MAN1A2: variants seen among roughly 807,000 people sequenced by gnomAD.
MAN1A2 encodes mannosidase alpha class 1A member 2.
Under a neutral mutation model 75.7 loss-of-function variants are expected in MAN1A2, and 26 were observed. That is an observed-to-expected ratio of 0.34 (90% CI 0.25 to 0.48). The LOEUF (loss-of-function observed/expected upper bound fraction) is 0.48, where lower values mean the gene tolerates loss of function less well. Among genes scored for constraint, MAN1A2 ranks in the 20% least tolerant of loss-of-function variants. The pLI is 0.99. For synonymous variants in MAN1A2, 247 were observed against 264.6 expected (o/e 0.93, Z 0.65); for missense variants, 562 against 775.5 (o/e 0.72, Z 3.27).
At position 117,484,933 on chromosome 1, in the gene MAN1A2, T is replaced by C. The variant is rs577710086; in HGVS notation, c.1169-8214T>C. Among the ~76,000 whole-genome samples, 11 of 152,084 alleles carry C rather than the reference T, an allele frequency of 7.2e-5. No individual in the cohort carries two copies. In the South Asian group the frequency reaches 2.3e-3, roughly 31 times the overall value. ...GGCTTGTCTATATGTTTTTCCACAT[T>C]GTTGCAAATCTTAAAGATAATTTCA... On this transcript the variant is annotated intron_variant, in intron 8 of 12. Coordinates refer to ENST00000356554, the MANE Select transcript of MAN1A2 (RefSeq NM_006699.5).
chr1:117,429,486 A>ACCC lies in MAN1A2; in HGVS notation c.855+8838_855+8839insCCC, dbSNP rs1314215321. ...GGGCGGCTGGCCGGGCGGGGGGCCG[A>ACCC]CACCCCCACCTCCCTCCCGGACGGG... is the stretch of plus-strand genomic sequence containing the variant. On this transcript the variant is annotated intron_variant, in intron 5 of 12. Coordinates refer to ENST00000356554, the MANE Select transcript of MAN1A2 (RefSeq NM_006699.5). Among the ~76,000 whole-genome samples, 79 of 42,780 alleles carry ACCC rather than the reference A, an allele frequency of 1.8e-3. 4 individuals carry two copies. Among genetic ancestry groups the ACCC allele is most frequent in the African/African-American group, 7.1e-3 (73 of 10,260 alleles). The allele number at this position is 42,780 out of a possible 152,430, so 28.1% of individuals were successfully genotyped here.
intron 3 of MAN1A2, among the ~76,000 whole-genome samples, chr1:117,411,853 C>G (rs915196412): frequency 2.0e-5 from 3 of 151,758 alleles, no homozygotes; most frequent in African/African-American, 7.2e-5. Context: ...TAGAGCAACT[C>G]TGTTATACAT....
At chr1:117,478,966 G>A (rs936808794) in intron 8 of MAN1A2, among the ~76,000 whole-genome samples, 2 of 151,152 alleles carry the variant, frequency 1.3e-5, no homozygotes, top group Admixed American at 6.6e-5. Flanking sequence ...TGTGCAGGAT[G>A]TGCTTGTTAC....
intron 5 of MAN1A2, among the ~76,000 whole-genome samples, chr1:117,439,780 C>T (rs1356024683): frequency 6.6e-6 from 1 of 152,148 alleles, no homozygotes; most frequent in Non-Finnish European, 1.5e-5. Flanking sequence ...TAGGGGTGAG[C>T]CACCACGCCC....
chr1:117,453,348 T>A (rs1649482107), intron 6 of MAN1A2, among the ~76,000 whole-genome samples: 1 of 152,214 alleles, frequency 6.6e-6, no homozygotes, highest in Non-Finnish European at 1.5e-5. Flanking sequence ...ATGGAAAATC[T>A]TCTGGAAAGG....
intron 6 of MAN1A2, among the ~76,000 whole-genome samples, chr1:117,446,206 A>G (rs991464155): frequency 1.3e-5 from 2 of 151,358 alleles, no homozygotes; most frequent in African/African-American, 2.4e-5. Context: ...GGCATTTGTC[A>G]ATTTTGTTAA....
chr1:117,431,012 G>T (rs944647339), intron 5 of MAN1A2, among the ~76,000 whole-genome samples: 10 of 130,658 alleles, frequency 7.7e-5, no homozygotes, highest in Non-Finnish European at 1.3e-4. Context: ...GCTGGAGACC[G>T]GCCCGGCCAA....
intron 8 of MAN1A2, among the ~76,000 whole-genome samples, chr1:117,491,265 T>C (rs1650875915): frequency 6.6e-6 from 1 of 152,030 alleles, no homozygotes; most frequent in Admixed American, 6.6e-5. Flanking sequence ...CTGACTCTTG[T>C]TGGGGGCTAA....
At chr1:117,395,776 A>T (rs531565670) in intron 1 of MAN1A2, among the ~76,000 whole-genome samples, 1 of 152,330 alleles carries the variant, frequency 6.6e-6, no homozygotes, top group East Asian at 1.9e-4. Context: ...GTTTGAGGAC[A>T]CAGTTCTTCA....
At chr1:117,373,913 T>G (rs1341739064) in intron 1 of MAN1A2, among the ~76,000 whole-genome samples, 1 of 59,062 alleles carries the variant, frequency 1.7e-5, no homozygotes, top group East Asian at 3.0e-4. Context: ...AAACATTAAT[T>G]GATTTTTTTT....
chr1:117,512,796 CAA>C (rs1295809440), intron 12 of MAN1A2, among the ~76,000 whole-genome samples: 1 of 144,036 alleles, frequency 6.9e-6, no homozygotes, highest in African/African-American at 2.6e-5. Flanking sequence ...TAGGAACACA[CAA>C]AGTGAATTTC....
intron 8 of MAN1A2, among the ~76,000 whole-genome samples, chr1:117,488,402 G>A (rs1464386231): frequency 6.6e-6 from 1 of 151,862 alleles, no homozygotes; most frequent in East Asian, 1.9e-4. Flanking sequence ...CACCATGTTG[G>A]CCAGGCTGGT....
rs991397483 is a variant in MAN1A2 at position 117,424,379 on chromosome 1, G to T, written c.855+3730G>T. ...AGCTTTATTCTCTTCCACGATCATG[G>T]CATATGGCTTCAAAAGTACTGTAAT... On this transcript the variant is annotated intron_variant, in intron 5 of 12. Coordinates refer to ENST00000356554, the MANE Select transcript of MAN1A2 (RefSeq NM_006699.5). Among the ~76,000 whole-genome samples the T allele has an allele frequency of 2.0e-5, 3 of 152,248 alleles. No homozygotes were observed. The South Asian group carries it at 6.2e-4, about 32-fold the overall frequency.
At chr1:117,372,013 T>C (rs1046370718) in intron 1 of MAN1A2, among the ~76,000 whole-genome samples, 3 of 152,218 alleles carry the variant, frequency 2.0e-5, no homozygotes, top group Non-Finnish European at 4.4e-5. Flanking sequence ...TTGCAAATTC[T>C]AGTCAGGATT....
intron 3 of MAN1A2, among the ~76,000 whole-genome samples, chr1:117,412,926 CTAAA>C (rs1301135870): frequency 6.6e-6 from 1 of 151,636 alleles, no homozygotes; most frequent in Non-Finnish European, 1.5e-5. Flanking sequence ...ACTTAGAGGA[CTAAA>C]TAAATAACTA....
At chr1:117,478,420 A>G (rs1189591601) in intron 8 of MAN1A2, among the ~76,000 whole-genome samples, 1 of 151,964 alleles carries the variant, frequency 6.6e-6, no homozygotes, top group African/African-American at 2.4e-5. Flanking sequence ...CTAATTAGGA[A>G]GTCCATTTTT....
At chr1:117,519,165 A>G (rs1651800008) in intron 12 of MAN1A2, among the ~76,000 whole-genome samples, 1 of 152,014 alleles carries the variant, frequency 6.6e-6, no homozygotes, top group Non-Finnish European at 1.5e-5. Context: ...ACCTATCAAA[A>G]CCTCTGGGAT....
intron 8 of MAN1A2, among the ~76,000 whole-genome samples, chr1:117,470,542 C>T (rs1487360592): frequency 2.0e-5 from 3 of 151,958 alleles, no homozygotes; most frequent in Admixed American, 1.3e-4. Context: ...CTGTTTTTTC[C>T]TCACAAAATA....
chr1:117,495,040 T>C (rs1221898450), intron 9 of MAN1A2: 1 of 151,880 alleles, frequency 6.6e-6, no homozygotes, highest in African/African-American at 2.4e-5. Context: ...ATTTTGACTT[T>C]TGCTTAATTT....
Sources: allele counts gnomAD v4.1 joint callset (sites outside exome capture counted in the v4.1 genomes callset), GRCh38; gene constraint gnomAD v4.1.1; transcripts MANE v1.5; gene names NCBI Gene and HGNC (gene_info 2026-07-23, HGNC 2026-07-21).